The following MACROD2 variants were observed in gnomAD, a reference collection of about 807,000 sequenced individuals.
The protein encoded by MACROD2 is ADP-ribose glycohydrolase MACROD2.
In MACROD2, 36 loss-of-function variants were observed where a neutral mutation model predicts 70.4. That is an observed-to-expected ratio of 0.51 (90% CI 0.39 to 0.68). The LOEUF (loss-of-function observed/expected upper bound fraction) is 0.68. Among genes scored for constraint, MACROD2 ranks in the 30% least tolerant of loss-of-function variants. The pLI, the probability that MACROD2 is intolerant of heterozygous loss-of-function variation, is 0.00. For synonymous variants in MACROD2, 172 were observed against 178.8 expected (o/e 0.96, Z 0.30); for missense variants, 496 against 538.4 (o/e 0.92, Z 0.78).
chr20:14,672,896 TG>T (rs1181932871), intron 4 of MACROD2, among the ~76,000 whole-genome samples: 1 of 152,224 alleles, frequency 6.6e-6, no homozygotes, highest in Non-Finnish European at 1.5e-5. Context: ...TTAATAAACT[TG>T]AACTTCATTC....
At chr20:14,296,099 G>A (rs2082425851) in intron 3 of MACROD2, among the ~76,000 whole-genome samples, 1 of 151,790 alleles carries the variant, frequency 6.6e-6, no homozygotes, top group Admixed American at 6.6e-5. Flanking sequence ...ATAAAGCCAG[G>A]ACCATGCTTA....
chr20:15,968,431 T>A (rs965280339), intron 13 of MACROD2, among the ~76,000 whole-genome samples: 1 of 151,936 alleles, frequency 6.6e-6, no homozygotes, highest in Non-Finnish European at 1.5e-5. Context: ...CCTTTCTGAA[T>A]AAACTAACAG....
At chr20:15,607,249 C>A (rs571204195) in intron 8 of MACROD2, among the ~76,000 whole-genome samples, 1 of 152,182 alleles carries the variant, frequency 6.6e-6, no homozygotes, top group African/African-American at 2.4e-5. Context: ...AACTAGGGCC[C>A]AGATATCCCC....
chr20:15,517,226 C>T (rs550976581), intron 8 of MACROD2, among the ~76,000 whole-genome samples: 90 of 152,214 alleles, frequency 5.9e-4, no homozygotes, highest in African/African-American at 2.0e-3. Context: ...TGACTCCACC[C>T]GTCACCCTCA....
At chr20:14,070,974 G>C (rs1221811620) in intron 2 of MACROD2, among the ~76,000 whole-genome samples, 1 of 151,838 alleles carries the variant, frequency 6.6e-6, no homozygotes, top group Non-Finnish European at 1.5e-5. Flanking sequence ...GCTTTTGCTG[G>C]GCAAAAAAAC....
At chr20:15,061,114 T>G (rs2075529180) in intron 5 of MACROD2, among the ~76,000 whole-genome samples, 1 of 152,160 alleles carries the variant, frequency 6.6e-6, no homozygotes, top group Non-Finnish European at 1.5e-5. Context: ...CCCTAATGCT[T>G]GTGATAGTGT....
At chr20:14,272,389 A>C (rs1199215540) in intron 3 of MACROD2, among the ~76,000 whole-genome samples, 1 of 152,082 alleles carries the variant, frequency 6.6e-6, no homozygotes, top group Non-Finnish European at 1.5e-5. Context: ...ATATCCAGCC[A>C]AACTAAGCTT....
At chr20:15,633,119 A>T (rs1484296209) in intron 8 of MACROD2, among the ~76,000 whole-genome samples, 1 of 152,142 alleles carries the variant, frequency 6.6e-6, no homozygotes, top group Non-Finnish European at 1.5e-5. Context: ...GGTTTATTAC[A>T]CATATGTATC....
intron 5 of MACROD2, among the ~76,000 whole-genome samples, chr20:14,807,143 C>T (rs1365099218): frequency 3.3e-5 from 5 of 152,152 alleles, no homozygotes; most frequent in Admixed American, 6.5e-5. Flanking sequence ...TGCCTCCCAA[C>T]GGGGAGACAC....
At chr20:14,695,102 T>A (rs1040371995) in intron 5 of MACROD2, among the ~76,000 whole-genome samples, 1 of 152,110 alleles carries the variant, frequency 6.6e-6, no homozygotes, top group Admixed American at 6.5e-5. Context: ...TGTAACAAAT[T>A]ACCACAACTT....
At chr20:14,952,068 A>AT (rs1468857735) in intron 5 of MACROD2, among the ~76,000 whole-genome samples, 1 of 152,008 alleles carries the variant, frequency 6.6e-6, no homozygotes. Flanking sequence ...AGTGGGCATG[A>AT]TTTTCACAAA....
intron 8 of MACROD2, among the ~76,000 whole-genome samples, chr20:15,850,149 C>T (rs184834176): frequency 3.1e-4 from 47 of 152,216 alleles, no homozygotes; most frequent in African/African-American, 1.1e-3. Context: ...AATTAGAGTG[C>T]AGGTAGATTA....
At chr20:15,634,609 T>C (rs1030703306) in intron 8 of MACROD2, among the ~76,000 whole-genome samples, 2 of 152,202 alleles carry the variant, frequency 1.3e-5, no homozygotes, top group Admixed American at 6.5e-5. Flanking sequence ...GGGATTAAAA[T>C]TGCCACAAAC....
At position 14,216,671 on chromosome 20, in the gene MACROD2, A is replaced by G. The variant is rs145986174; in HGVS notation, c.271+130943A>G. Reference sequence around the variant, plus strand: ...GTGTTTCCATTTGTTTGTGTCGTCTATGATTTCTTTCAGCAGTGTTTTGTA... The same window carrying G: ...GTGTTTCCATTTGTTTGTGTCGTCTGTGATTTCTTTCAGCAGTGTTTTGTA... On this transcript the variant is annotated intron_variant, in intron 3 of 17. Coordinates refer to ENST00000684519, the MANE Select transcript of MACROD2 (RefSeq NM_001351661.2). Among the ~76,000 whole-genome samples, 252 of 152,156 alleles carry G rather than the reference A, an allele frequency of 1.7e-3. 1 individual carries two copies. Among genetic ancestry groups the G allele is most frequent in the African/African-American group, 5.9e-3 (243 of 41,518 alleles).
intron 13 of MACROD2, among the ~76,000 whole-genome samples, chr20:15,968,577 T>G (rs1470242910): frequency 1.3e-5 from 2 of 151,786 alleles, no homozygotes; most frequent in African/African-American, 4.8e-5. Flanking sequence ...ATCAAATAAT[T>G]TTGAAATAAC....
chr20:14,515,131 T>C (rs1256195668), intron 4 of MACROD2, among the ~76,000 whole-genome samples: 4 of 152,062 alleles, frequency 2.6e-5, no homozygotes, highest in African/African-American at 4.8e-5. Context: ...CAAAGCTCAA[T>C]AGATGAGCTG....
At chr20:14,083,500 A>G (rs1320718355) in intron 2 of MACROD2, among the ~76,000 whole-genome samples, 1 of 152,132 alleles carries the variant, frequency 6.6e-6, no homozygotes, top group Non-Finnish European at 1.5e-5. Context: ...ACTCACTTAC[A>G]GTGGTTTACA....
intron 5 of MACROD2, among the ~76,000 whole-genome samples, chr20:14,728,901 A>G (rs142607462): frequency 2.0e-5 from 3 of 152,300 alleles, no homozygotes; most frequent in African/African-American, 4.8e-5. Context: ...TCCAAGAGAT[A>G]TTAAAATAAA....
At chr20:14,405,479 G>T (rs556116735) in intron 3 of MACROD2, among the ~76,000 whole-genome samples, 2 of 152,244 alleles carry the variant, frequency 1.3e-5, no homozygotes, top group East Asian at 3.9e-4. Flanking sequence ...AGAATCTACG[G>T]GAGTCCAGTA....
Sources: gnomAD v4.1 joint callset for allele counts (sites outside exome capture counted in the v4.1 genomes callset) on GRCh38, gnomAD v4.1.1 for gene constraint, MANE v1.5 for transcripts, NCBI Gene and HGNC (gene_info 2026-07-23, HGNC 2026-07-21) for gene names.